ZMAT4: variants seen among roughly 807,000 people sequenced by gnomAD.
ZMAT4 encodes the protein zinc finger matrin-type protein 4.
A neutral mutation model predicts 28.7 loss-of-function variants in ZMAT4; 17 were observed. The ratio of observed to expected loss-of-function variants is 0.59; its 90% CI spans 0.41 to 0.89. The LOEUF (loss-of-function observed/expected upper bound fraction) is 0.89. Among genes scored for constraint, ZMAT4 ranks in the 40% least tolerant of loss-of-function variants. The pLI is 0.00. For missense variants in ZMAT4, 240 were observed against 283.8 expected, an observed-to-expected ratio of 0.85 and a Z score of 1.11; for synonymous variants, 117 against 109.2, an observed-to-expected ratio of 1.07 and a Z score of -0.44.
intron 2 of ZMAT4, 70 bp from the exon 3 acceptor site, chr8:40,767,800 TGCCC>T: frequency 8.2e-7 from 1 of 1,218,980 alleles, no homozygotes; most frequent in Admixed American, 2.5e-5. Flanking sequence ...ACCTAGCCAG[TGCCC>T]GCAAATGCAA....
chr8:40,824,684 A>G (rs577780241), intron 2 of ZMAT4, among the ~76,000 whole-genome samples: 2 of 151,596 alleles, frequency 1.3e-5, no homozygotes, highest in African/African-American at 4.8e-5. Context: ...AAGAAAGCAA[A>G]GAAAAATAAA....
rs551190224 is a variant in ZMAT4, at chr8:40,835,469, C to A, written c.-4-9789G>T. On this transcript the variant is annotated intron_variant, in intron 1 of 6. Transcript: ENST00000297737. ...CTATGTATTGGCTACCTGAGTGAAG[C>A]AAGTACCTGCTCCAGACAGGTGGAT... Among the ~76,000 whole-genome samples, 3 of 152,330 alleles carry A rather than the reference C, an allele frequency of 2.0e-5. No homozygotes were observed. In the East Asian group the frequency reaches 5.8e-4, roughly 29 times the overall value.
intron 2 of ZMAT4, among the ~76,000 whole-genome samples, chr8:40,819,851 T>C (rs1451704460): frequency 2.6e-5 from 4 of 152,018 alleles, no homozygotes; most frequent in Non-Finnish European, 5.9e-5. Context: ...TATATGTGTA[T>C]ATTCTAAATA....
intron 5 of ZMAT4, among the ~76,000 whole-genome samples, chr8:40,671,839 A>G (rs900339024): frequency 1.3e-5 from 2 of 152,230 alleles, no homozygotes; most frequent in Non-Finnish European, 2.9e-5. Flanking sequence ...CAAAATTAGA[A>G]ATAGTTTCTT....
At position 40,697,408 on chromosome 8, in the gene ZMAT4, A is replaced by C. The variant is rs1809938625; in HGVS notation, c.193-7T>G. 2 of 1,563,618 alleles carry C rather than the reference A, an allele frequency of 1.3e-6. No individual in the cohort carries two copies. The highest frequency in any genetic ancestry group is 8.7e-7 in the Non-Finnish European group (1 of 1,151,790). Reference sequence around the variant, plus strand: ...CCATGTCGGCATCACTTCCCTGCGCAGGGAGAAAGAAAGGCCACGTGTGAG... The same window carrying C: ...CCATGTCGGCATCACTTCCCTGCGCCGGGAGAAAGAAAGGCCACGTGTGAG... On this transcript the variant is annotated splice_polypyrimidine_tract_variant and splice_region_variant and intron_variant, in intron 3 of 6. Transcript: ENST00000297737.
At chr8:40,651,014 C>G (rs1807617827) in intron 5 of ZMAT4, among the ~76,000 whole-genome samples, 1 of 150,958 alleles carries the variant, frequency 6.6e-6, no homozygotes. Flanking sequence ...TGAAAACTGG[C>G]ACAAGACAGG....
intron 3 of ZMAT4, among the ~76,000 whole-genome samples, chr8:40,744,011 C>T (rs1258886775): frequency 6.6e-6 from 1 of 152,174 alleles, no homozygotes; most frequent in African/African-American, 2.4e-5. Context: ...AATGAATGCT[C>T]CCAGGAGCAA....
At chr8:40,680,561 A>G (rs374962015) in intron 4 of ZMAT4, among the ~76,000 whole-genome samples, 46 of 152,196 alleles carry the variant, frequency 3.0e-4, no homozygotes, top group Admixed American at 1.5e-3. Flanking sequence ...GAAGAGGGTG[A>G]CACCGTCAGC....
intron 5 of ZMAT4, among the ~76,000 whole-genome samples, chr8:40,589,577 C>A (rs188502583): frequency 1.2e-4 from 18 of 152,192 alleles, no homozygotes; most frequent in Admixed American, 5.2e-4. Flanking sequence ...TTTGAAGAAA[C>A]CATTGGTCCC....
At chr8:40,895,587 A>G (rs1335263183) in intron 1 of ZMAT4, among the ~76,000 whole-genome samples, 1 of 152,208 alleles carries the variant, frequency 6.6e-6, no homozygotes, top group African/African-American at 2.4e-5. Flanking sequence ...CGAGCGCTCC[A>G]GCGTGTCCCA....
intron 6 of ZMAT4, among the ~76,000 whole-genome samples, chr8:40,534,678 T>G (rs1042915516): frequency 4.0e-5 from 1 of 24,854 alleles, no homozygotes; most frequent in African/African-American, 5.5e-5. Context: ...ATTTGCTACC[T>G]TTTTTTTTTT....
At chr8:40,588,947 A>G (rs1387900892) in intron 5 of ZMAT4, among the ~76,000 whole-genome samples, 1 of 152,214 alleles carries the variant, frequency 6.6e-6, no homozygotes, top group Admixed American at 6.5e-5. Context: ...TATGTTCTGC[A>G]TTATAATGTT....
intron 2 of ZMAT4, among the ~76,000 whole-genome samples, chr8:40,811,296 C>G (rs950012628): frequency 1.3e-5 from 2 of 152,178 alleles, no homozygotes; most frequent in Non-Finnish European, 2.9e-5. Flanking sequence ...ACGAGTGGAT[C>G]TTCACAACTG....
intron 2 of ZMAT4, among the ~76,000 whole-genome samples, chr8:40,782,970 C>T (rs1813899573): frequency 6.6e-6 from 1 of 152,166 alleles, no homozygotes; most frequent in Admixed American, 6.5e-5. Flanking sequence ...CTGGTGGGAA[C>T]ATAAAATGGT....
At chr8:40,755,056 GAAGA>G (rs1165119376) in intron 3 of ZMAT4, among the ~76,000 whole-genome samples, 1 of 152,110 alleles carries the variant, frequency 6.6e-6, no homozygotes, top group Non-Finnish European at 1.5e-5. Flanking sequence ...GAAAAGAAAA[GAAGA>G]AAGAAACAGA....
At chr8:40,831,065 T>C (rs1816263376) in intron 1 of ZMAT4, among the ~76,000 whole-genome samples, 1 of 152,220 alleles carries the variant, frequency 6.6e-6, no homozygotes, top group African/African-American at 2.4e-5. Context: ...GCTGTAAATA[T>C]TTAAGAAGAG....
chr8:40,683,567 A>G (rs1297766659), intron 4 of ZMAT4, among the ~76,000 whole-genome samples: 3 of 152,168 alleles, frequency 2.0e-5, no homozygotes, highest in Non-Finnish European at 4.4e-5. Flanking sequence ...CCTTTTGATT[A>G]TTTTGATTTC....
At chr8:40,852,408 T>C (rs1399034060) in intron 1 of ZMAT4, among the ~76,000 whole-genome samples, 1 of 152,258 alleles carries the variant, frequency 6.6e-6, no homozygotes, top group African/African-American at 2.4e-5. Context: ...AAATCCCTTG[T>C]ATGTCTGCCT....
intron 1 of ZMAT4, among the ~76,000 whole-genome samples, chr8:40,876,422 C>T (rs1818043285): frequency 6.6e-6 from 1 of 151,980 alleles, no homozygotes; most frequent in Non-Finnish European, 1.5e-5. Flanking sequence ...AAGTGATCCT[C>T]CTACCTCAGC....
Sources: allele counts gnomAD v4.1 joint callset (sites outside exome capture counted in the v4.1 genomes callset), GRCh38; gene constraint gnomAD v4.1.1; transcripts MANE v1.5; gene names NCBI Gene and HGNC (gene_info 2026-07-23, HGNC 2026-07-21).